Variants in PTPRN2 observed in about 807,000 individuals in gnomAD.
PTPRN2 encodes the protein receptor-type tyrosine-protein phosphatase N2.
In PTPRN2, 74 loss-of-function variants were observed where a neutral mutation model predicts 118.8. That is an observed-to-expected ratio of 0.62 (90% confidence interval 0.52 to 0.76). The LOEUF is 0.76. Ranked by LOEUF, PTPRN2 falls within the 30% of genes least tolerant of loss-of-function variation. The pLI is 0.00. For missense variants in PTPRN2, 1,481 were observed against 1,394.4 expected (o/e 1.06, Z -0.99); for synonymous variants, 641 against 608.0 (o/e 1.05, Z -0.80).
intron 12 of PTPRN2, among the ~76,000 whole-genome samples, chr7:157,744,261 G>C (rs932809708): frequency 8.5e-5 from 13 of 152,138 alleles, no homozygotes; most frequent in Admixed American, 8.5e-4. Context: ...GGGTCAGCTG[G>C]CCTCAACGGG....
chr7:158,020,936 G>A (rs1343507301), intron 11 of PTPRN2, among the ~76,000 whole-genome samples: 2 of 152,184 alleles, frequency 1.3e-5, no homozygotes, highest in Non-Finnish European at 2.9e-5. Flanking sequence ...CTCTATAGAG[G>A]AGGCTGTTCC....
At chr7:158,314,845 G>A (rs1243800579) in intron 3 of PTPRN2, among the ~76,000 whole-genome samples, 4 of 149,432 alleles carry the variant, frequency 2.7e-5, no homozygotes, top group African/African-American at 9.7e-5. Flanking sequence ...GAAGGACAGA[G>A]GTGAACCCGG....
chr7:157,791,009 T>G (rs1226777597), intron 12 of PTPRN2, among the ~76,000 whole-genome samples: 1 of 152,220 alleles, frequency 6.6e-6, no homozygotes, highest in African/African-American at 2.4e-5. Flanking sequence ...GATAAAGCCT[T>G]TTTGGAAAGT....
At position 157,785,404 on chromosome 7, in the gene PTPRN2, G is replaced by A. The variant is rs571229382; in HGVS notation, c.1789-102467C>T. On this transcript the variant is annotated intron_variant, in intron 12 of 22. Transcript: ENST00000389418. The surrounding 1 kb of genome is among the most constrained non-coding windows in gnomAD (Gnocchi z 7.3). ...AACGAAATCGCCCCCGAGGATGAAA[G>A]GGGGTGGTGGAAAAGGCCTTGGAGC... is the stretch of plus-strand genomic sequence containing the variant. Among the ~76,000 whole-genome samples, 16 of 152,214 alleles carry A rather than the reference G, an allele frequency of 1.1e-4. No individual in the cohort carries two copies. The highest frequency in any genetic ancestry group is 5.8e-4 in the East Asian group (3 of 5,180).
At chr7:157,894,496 C>A (rs13312056) in intron 12 of PTPRN2, among the ~76,000 whole-genome samples, 5 of 24,170 alleles carry the variant, frequency 2.1e-4, no homozygotes. Context: ...TTCCTGTGGA[C>A]GCTGAGAGCT....
chr7:157,988,424 G>A (rs1033598035), intron 11 of PTPRN2, among the ~76,000 whole-genome samples: 1 of 152,202 alleles, frequency 6.6e-6, no homozygotes, highest in African/African-American at 2.4e-5. Context: ...CAGAGCAGAG[G>A]ACAGTGTCCT....
At chr7:158,205,695 C>G (rs1936812853) in intron 3 of PTPRN2, among the ~76,000 whole-genome samples, 1 of 152,146 alleles carries the variant, frequency 6.6e-6, no homozygotes, top group Admixed American at 6.5e-5. Context: ...TGGAAAAGAT[C>G]ATTTGGAATT....
At chr7:158,524,458 G>GCCCTGGAGTGGAGTCGTCTA (rs2129448268) in intron 1 of PTPRN2, among the ~76,000 whole-genome samples, 1 of 52,342 alleles carries the variant, frequency 1.9e-5, no homozygotes, top group South Asian at 1.1e-3. Context: ...AGCGGAGTCT[G>GCCCTGGAGTGGAGTCGTCTA]CCCTGGAGCG....
At chr7:157,886,385 C>T (rs73746696) in intron 12 of PTPRN2, among the ~76,000 whole-genome samples, 1,649 of 152,248 alleles carry the variant, frequency 0.011, 29 homozygotes, top group African/African-American at 0.038. Context: ...GGAAGCATGT[C>T]GAGAAGCAGG....
chr7:157,555,507 C>T (rs1382458617), intron 21 of PTPRN2, among the ~76,000 whole-genome samples: 1 of 152,198 alleles, frequency 6.6e-6, no homozygotes, highest in Non-Finnish European at 1.5e-5. Flanking sequence ...ACCACATCCT[C>T]CCAGTAAACA....
At chr7:157,705,467 C>A (rs955964189) in intron 12 of PTPRN2, among the ~76,000 whole-genome samples, 1 of 152,216 alleles carries the variant, frequency 6.6e-6, no homozygotes. Context: ...GGGCCACATT[C>A]CCCCAGAATG....
intron 11 of PTPRN2, among the ~76,000 whole-genome samples, chr7:158,040,759 A>G (rs1040741319): frequency 1.4e-5 from 2 of 138,708 alleles, no homozygotes; most frequent in South Asian, 2.2e-4. Flanking sequence ...TTGAGATGGA[A>G]TCTCACTCTA....
chr7:157,753,350 G>T (rs1468786787), intron 12 of PTPRN2, among the ~76,000 whole-genome samples: 1 of 152,152 alleles, frequency 6.6e-6, no homozygotes, highest in African/African-American at 2.4e-5. Flanking sequence ...CATCGGGAAA[G>T]TTGAGAACTT....
chr7:157,928,495 G>A (rs1190494198), intron 11 of PTPRN2, among the ~76,000 whole-genome samples: 2 of 152,064 alleles, frequency 1.3e-5, no homozygotes, highest in Non-Finnish European at 2.9e-5. Flanking sequence ...AGCCTCAACT[G>A]GCTCCCCCAG....
chr7:157,995,710 C>G (rs4716526), intron 11 of PTPRN2, among the ~76,000 whole-genome samples: 103,652 of 152,178 alleles, frequency 0.68, 35,562 homozygotes, highest in East Asian at 0.88. Context: ...GAGCAGGCGG[C>G]GTAGCACCTC....
rs546849846 is a variant in PTPRN2, at chr7:158,351,518, T to C, written c.164-34586A>G. 2.0e-4 allele frequency among the ~76,000 whole-genome samples: 30 copies of C among 152,322 alleles called. No homozygotes were observed. In the South Asian group the frequency reaches 4.8e-3, roughly 24 times the overall value. ...CCATTTGTGAAAGTAAGTGGCCTTT[T>C]AAAGAATGCTAAAACATTACGGGCA... On this transcript the variant is annotated intron_variant, in intron 2 of 22. Coordinates refer to ENST00000389418, the MANE Select transcript of PTPRN2 (RefSeq NM_002847.5).
At chr7:158,571,961 T>G (rs1828068427) in intron 1 of PTPRN2, among the ~76,000 whole-genome samples, 1 of 152,176 alleles carries the variant, frequency 6.6e-6, no homozygotes, top group Non-Finnish European at 1.5e-5. Context: ...ATTAACCTCA[T>G]GAAATTCTAC....
intron 17 of PTPRN2, among the ~76,000 whole-genome samples, chr7:157,582,763 ACT>A (rs150607706): frequency 0.015 from 2,275 of 152,000 alleles, 39 homozygotes; most frequent in Non-Finnish European, 0.023. Context: ...AATCCCAGCT[ACT>A]CAGGAGGCTG....
chr7:158,316,870 G>A lies in PTPRN2; in HGVS notation c.226C>T (p.Pro76Ser). Residue 76 changes from proline to serine, a missense_variant, in exon 3 of 23, where the codon CCC (proline) becomes TCC (serine). Coordinates refer to ENST00000389418, the MANE Select transcript of PTPRN2 (RefSeq NM_002847.5). The part of the protein sequence containing the change: ...AMDFYRYEVS[P>S]VALQRLRVAL... ...ACGCGCAGGCGCTGCAGGGCCACGG[G>A]CGACACCTCGTAGCGGTAAAAGTCC... is the stretch of plus-strand genomic sequence containing the variant. 6.2e-7 allele frequency: 1 copy of A among 1,611,914 alleles called. No homozygotes were observed. The highest frequency in any genetic ancestry group is 1.1e-5 in the South Asian group (1 of 91,064).
Sources: allele counts gnomAD v4.1 joint callset (sites outside exome capture counted in the v4.1 genomes callset), GRCh38; gene constraint gnomAD v4.1.1; non-coding constraint Gnocchi (gnomAD v3.1); transcripts MANE v1.5; gene names NCBI Gene and HGNC (gene_info 2026-07-23, HGNC 2026-07-21).